Variants in TCF12 observed in about 807,000 individuals in gnomAD.
TCF12 encodes the protein transcription factor 12.
Under a neutral mutation model 86.0 loss-of-function variants are expected in TCF12, and 45 were observed. The ratio of observed to expected loss-of-function variants is 0.52; its 90% CI spans 0.41 to 0.67. The LOEUF (loss-of-function observed/expected upper bound fraction) is 0.67, where lower values mean the gene tolerates loss of function less well. Among genes scored for constraint, TCF12 ranks in the 30% least tolerant of loss-of-function variants. The probability of loss-of-function intolerance (pLI) is 0.00; values close to 1 mark genes in which losing one functional copy is unlikely to be tolerated. For missense variants in TCF12, 881 were observed against 859.9 expected, an observed-to-expected ratio of 1.02 and a Z score of -0.31; for synonymous variants, 330 against 299.6, an observed-to-expected ratio of 1.10 and a Z score of -1.05.
chr15:57,071,147 C>G (rs1218077226), intron 4 of TCF12, among the ~76,000 whole-genome samples: 1 of 151,912 alleles, frequency 6.6e-6, no homozygotes, highest in Non-Finnish European at 1.5e-5. Context: ...TGGCTCACAC[C>G]TGTAAACCCA....
chr15:56,984,249 G>GGTGTGT (rs56221122), intron 3 of TCF12, among the ~76,000 whole-genome samples: 29,173 of 122,660 alleles, frequency 0.24, 3,632 homozygotes, highest in East Asian at 0.27. Flanking sequence ...GCATGTGCAT[G>GGTGTGT]GTGTGTGTGT....
At chr15:56,941,576 T>A (rs527458622) in intron 3 of TCF12, among the ~76,000 whole-genome samples, 2 of 152,098 alleles carry the variant, frequency 1.3e-5, no homozygotes, top group African/African-American at 2.4e-5. Context: ...GGTTTCATTA[T>A]GTTGGCCAGG....
intron 3 of TCF12, among the ~76,000 whole-genome samples, chr15:56,954,985 C>T (rs1452756466): frequency 6.6e-6 from 1 of 152,158 alleles, no homozygotes; most frequent in Non-Finnish European, 1.5e-5. Flanking sequence ...TTGTGGAAGA[C>T]AGTGTGGCGA....
At chr15:57,054,130 TGA>T (rs1368014281) in intron 3 of TCF12, among the ~76,000 whole-genome samples, 4 of 152,208 alleles carry the variant, frequency 2.6e-5, no homozygotes, top group African/African-American at 9.6e-5. Context: ...AGAGTTCCTC[TGA>T]GAGAGGCAGA....
intron 3 of TCF12, among the ~76,000 whole-genome samples, chr15:56,947,205 C>G (rs1483362227): frequency 6.6e-6 from 1 of 152,188 alleles, no homozygotes; most frequent in African/African-American, 2.4e-5. Flanking sequence ...CAGACTGCTT[C>G]CAGCTGAAAA....
chr15:57,102,131 C>T (rs570514247), intron 5 of TCF12, among the ~76,000 whole-genome samples: 1 of 148,640 alleles, frequency 6.7e-6, no homozygotes, highest in Non-Finnish European at 1.5e-5. Context: ...CATATAACTA[C>T]TTACATGGTT....
intron 8 of TCF12, among the ~76,000 whole-genome samples, chr15:57,198,389 G>T (rs149440473): frequency 2.6e-4 from 40 of 152,214 alleles, no homozygotes; most frequent in Non-Finnish European, 4.9e-4. Flanking sequence ...CATCAGGAAA[G>T]CTTTCAAGCA....
At chr15:57,188,172 A>T in intron 6 of TCF12, among the ~76,000 whole-genome samples, 1 of 152,294 alleles carries the variant, frequency 6.6e-6, no homozygotes, top group East Asian at 1.9e-4. Flanking sequence ...CTCCATTTAC[A>T]ATAGTATTTA....
Position 57,155,966 on chromosome 15 carries a change from G to A in TCF12, c.326-10436G>A, listed in dbSNP as rs139381422. ...ATGTGCTTCATTTCTATATTACATA[G>A]GTAGAGGCTGTTGAGTCTCAGTAAA... On this transcript the variant is annotated intron_variant, in intron 5 of 20. Coordinates refer to ENST00000333725, the MANE Select transcript of TCF12 (RefSeq NM_207037.2). Among the ~76,000 whole-genome samples the A allele has an allele frequency of 5.3e-5, 8 of 152,214 alleles. No individual in the cohort carries two copies. In the East Asian group the frequency reaches 1.5e-3, roughly 29 times the overall value.
At chr15:57,130,501 A>C (rs1333392820) in intron 5 of TCF12, among the ~76,000 whole-genome samples, 2 of 152,172 alleles carry the variant, frequency 1.3e-5, no homozygotes, top group Admixed American at 1.3e-4. Context: ...AGGATTTGCA[A>C]ACTCAGATAC....
chr15:57,219,524 G>T, intron 8 of TCF12: 2 of 1,612,566 alleles, frequency 1.2e-6, no homozygotes, highest in Non-Finnish European at 1.7e-6. Flanking sequence ...AAATCAACAT[G>T]TATTGTGCTT....
chr15:57,208,299 T>C (rs1352206822), intron 8 of TCF12, among the ~76,000 whole-genome samples: 1 of 151,604 alleles, frequency 6.6e-6, no homozygotes, highest in Non-Finnish European at 1.5e-5. Context: ...CCCAAAGTGC[T>C]GGGATTACAG....
chr15:57,113,252 G>GT (rs1240111533), intron 5 of TCF12, among the ~76,000 whole-genome samples: 1 of 152,116 alleles, frequency 6.6e-6, no homozygotes, highest in Non-Finnish European at 1.5e-5. Flanking sequence ...ATCCGTCAAG[G>GT]ATTAGCTTAT....
intron 5 of TCF12, among the ~76,000 whole-genome samples, chr15:57,115,763 G>C (rs754657558): frequency 6.6e-6 from 1 of 152,112 alleles, no homozygotes; most frequent in Non-Finnish European, 1.5e-5. Context: ...TCATTTTGGC[G>C]TGTGGTGTAC....
chr15:56,997,175 T>A (rs1207632464), intron 3 of TCF12, among the ~76,000 whole-genome samples: 2 of 152,232 alleles, frequency 1.3e-5, no homozygotes, highest in Non-Finnish European at 1.5e-5. Context: ...CATATACCCG[T>A]ATGTCCATTC....
At chr15:57,220,736 G>T (rs574242076) in intron 8 of TCF12, among the ~76,000 whole-genome samples, 36 of 151,636 alleles carry the variant, frequency 2.4e-4, no homozygotes, top group Non-Finnish European at 3.7e-4. Flanking sequence ...TTCAATAGGA[G>T]CTATCTTTGT....
At chr15:57,079,017 A>T (rs1362502785) in intron 4 of TCF12, among the ~76,000 whole-genome samples, 1 of 152,236 alleles carries the variant, frequency 6.6e-6, no homozygotes, top group South Asian at 2.1e-4. Flanking sequence ...ATTATGTGCA[A>T]ATGTAATTAA....
intron 6 of TCF12, among the ~76,000 whole-genome samples, chr15:57,181,282 G>A (rs1429672009): frequency 6.6e-6 from 1 of 150,514 alleles, no homozygotes; most frequent in Non-Finnish European, 1.5e-5. Context: ...TTATTTTTTG[G>A]TCTCACTGTG....
intron 8 of TCF12, among the ~76,000 whole-genome samples, chr15:57,207,115 C>A (rs996423233): frequency 8.6e-5 from 13 of 151,688 alleles, no homozygotes; most frequent in South Asian, 2.1e-4. Context: ...CCCAAAAAAA[C>A]AAAAAACAGA....
Sources: allele counts gnomAD v4.1 joint callset (sites outside exome capture counted in the v4.1 genomes callset), GRCh38; gene constraint gnomAD v4.1.1; transcripts MANE v1.5; gene names NCBI Gene and HGNC (gene_info 2026-07-23, HGNC 2026-07-21).